The following CPNE8 variants were observed in gnomAD, a reference collection of about 807,000 sequenced individuals.
CPNE8 encodes the protein copine 8, also known as copine-8.
A neutral mutation model predicts 81.5 loss-of-function variants in CPNE8; 45 were observed. That is an observed-to-expected ratio of 0.55 (90% CI 0.44 to 0.71). The LOEUF (loss-of-function observed/expected upper bound fraction) is 0.71. Ranked by LOEUF, CPNE8 falls within the 30% of genes least tolerant of loss-of-function variation. The pLI is 0.00. For synonymous variants in CPNE8, 252 were observed against 226.3 expected, an observed-to-expected ratio of 1.11 and a Z score of -1.02; for missense variants, 594 against 672.1, an observed-to-expected ratio of 0.88 and a Z score of 1.28.
intron 3 of CPNE8, among the ~76,000 whole-genome samples, chr12:38,852,192 C>A (rs1184782085): frequency 1.3e-5 from 2 of 152,066 alleles, no homozygotes; most frequent in Admixed American, 6.6e-5. Flanking sequence ...CTTTGGGAGG[C>A]CAAGGTGGGC....
chr12:38,670,729 C>T lies in CPNE8; in HGVS notation c.1506G>A (p.Gln502=). 6.3e-7 allele frequency: 1 copy of T among 1,599,712 alleles called. No homozygotes were observed. Among genetic ancestry groups the T allele is most frequent in the African/African-American group, 1.3e-5 (1 of 74,560 alleles). The part of the protein sequence containing the change: ...RGKYAERDIV[Q]FVPFRDYIDR... ...AAGTAGGAAAAGGTTTATTTCTTAC[C>T]TGCACAATGTCTCTTTCAGCATATT... Residue 502 remains glutamine, a splice_region_variant and synonymous_variant, in exon 19 of 20, where the codon CAG becomes CAA. Coordinates refer to ENST00000331366, the MANE Select transcript of CPNE8 (RefSeq NM_153634.3).
chr12:38,766,371 C>T (rs1036812071), intron 8 of CPNE8, among the ~76,000 whole-genome samples: 2 of 152,168 alleles, frequency 1.3e-5, no homozygotes, highest in South Asian at 2.1e-4. Flanking sequence ...CCTCTATTTT[C>T]GAAATGCCTG....
At chr12:38,758,857 G>A (rs931186474) in intron 10 of CPNE8, among the ~76,000 whole-genome samples, 2 of 152,104 alleles carry the variant, frequency 1.3e-5, no homozygotes, top group Non-Finnish European at 2.9e-5. Context: ...ATAGATTGGA[G>A]ACAATAGGAG....
intron 9 of CPNE8, among the ~76,000 whole-genome samples, chr12:38,761,783 A>G (rs571826277): frequency 1.1e-4 from 16 of 152,352 alleles, no homozygotes; most frequent in African/African-American, 3.8e-4. Flanking sequence ...ATCAGCAACC[A>G]TGAGTTATGC....
At chr12:38,799,961 C>A (rs1237869510) in intron 6 of CPNE8, among the ~76,000 whole-genome samples, 1 of 149,946 alleles carries the variant, frequency 6.7e-6, no homozygotes, top group Admixed American at 6.7e-5. Context: ...GCTTAAGAAA[C>A]GGCGCACCAC....
chr12:38,730,450 A>G (rs921384479), intron 10 of CPNE8, 92 bp from the exon 11 acceptor site: 13 of 616,314 alleles, frequency 2.1e-5, no homozygotes, highest in Non-Finnish European at 3.1e-5. Context: ...TCATTATCAA[A>G]AAAATGCTTG....
At chr12:38,826,863 A>G (rs189126265) in intron 6 of CPNE8, among the ~76,000 whole-genome samples, 36 of 152,094 alleles carry the variant, frequency 2.4e-4, no homozygotes, top group African/African-American at 7.9e-4. Context: ...TAAAATTACT[A>G]ATTTAAAAAT....
rs1415640250 is a variant in CPNE8 at position 38,738,675 on chromosome 12, G to A, written c.723-8317C>T. 9.9e-5 allele frequency among the ~76,000 whole-genome samples: 15 copies of A among 152,128 alleles called. No homozygotes were observed. In the East Asian group the frequency reaches 2.7e-3, roughly 27 times the overall value. On this transcript the variant is annotated intron_variant, in intron 10 of 19. Transcript: ENST00000331366. ...GATTTGAAAGAATTTTCAGCCAGCG[G>A]GGGATTGGGTACACATTTTAATATT... is the stretch of plus-strand genomic sequence containing the variant.
At chr12:38,781,712 G>A (rs527903684) in intron 6 of CPNE8, among the ~76,000 whole-genome samples, 2 of 152,118 alleles carry the variant, frequency 1.3e-5, no homozygotes, top group East Asian at 1.9e-4. Context: ...CCCTTGGCAA[G>A]GTGATCAAGG....
At chr12:38,905,684 GGAGGCGGACCTCCGCGCA>G, upstream of CPNE8, 1 of 1,464,510 alleles carries the variant, frequency 6.8e-7, no homozygotes, top group African/African-American at 1.4e-5. Context: ...AGGGAAGGGA[GGAGGCGGACCTCCGCGCA>G]GAGCCACGAG....
intron 6 of CPNE8, among the ~76,000 whole-genome samples, chr12:38,795,592 A>G (rs1396355455): frequency 6.6e-6 from 1 of 152,230 alleles, no homozygotes; most frequent in Non-Finnish European, 1.5e-5. Flanking sequence ...AATCTTGAAG[A>G]CATTATGCTA....
At chr12:38,842,863 G>A (rs1943496522) in intron 4 of CPNE8, among the ~76,000 whole-genome samples, 1 of 152,078 alleles carries the variant, frequency 6.6e-6, no homozygotes, top group Admixed American at 6.6e-5. Flanking sequence ...ACAGGCGTGA[G>A]CCACCGTGCC....
chr12:38,795,902 A>AGATAGATAGATAGAT (rs1565620261), intron 6 of CPNE8, among the ~76,000 whole-genome samples: 10 of 19,468 alleles, frequency 5.1e-4, no homozygotes, highest in Non-Finnish European at 9.1e-4. Context: ...GATAGATAGA[A>AGATAGATAGATAGAT]GATAGATAAT....
At chr12:38,828,054 TG>T (rs1229590056) in intron 6 of CPNE8, among the ~76,000 whole-genome samples, 1 of 152,224 alleles carries the variant, frequency 6.6e-6, no homozygotes, top group African/African-American at 2.4e-5. Flanking sequence ...ATGAAAATTC[TG>T]TATTTTAATT....
At chr12:38,711,878 A>G (rs539678105) in intron 13 of CPNE8, among the ~76,000 whole-genome samples, 71 of 152,282 alleles carry the variant, frequency 4.7e-4, no homozygotes, top group African/African-American at 1.6e-3. Context: ...CAAACTTTTC[A>G]GTTTCGATAT....
chr12:38,906,585 C>T (rs1474576494), upstream of CPNE8: 55 of 985,446 alleles, frequency 5.6e-5, no homozygotes, highest in Non-Finnish European at 6.3e-5. Context: ...GAACTGAGAC[C>T]TGACGGATAA....
At chr12:38,684,349 A>T (rs1169000731) in intron 16 of CPNE8, among the ~76,000 whole-genome samples, 1 of 152,164 alleles carries the variant, frequency 6.6e-6, no homozygotes, top group Non-Finnish European at 1.5e-5. Context: ...AGAAATAAAG[A>T]TAAAACAGGT....
intron 1 of CPNE8, among the ~76,000 whole-genome samples, chr12:38,892,867 T>G (rs1379310277): frequency 3.3e-5 from 5 of 152,216 alleles, no homozygotes; most frequent in African/African-American, 1.2e-4. Flanking sequence ...TGAATACAGT[T>G]TGTTATAGAT....
chr12:38,669,200 A>G (rs1485691555), intron 19 of CPNE8, among the ~76,000 whole-genome samples: 1 of 152,194 alleles, frequency 6.6e-6, no homozygotes. Flanking sequence ...TAGGTTGAAA[A>G]GCTTACATCA....
Sources: allele counts gnomAD v4.1 joint callset (sites outside exome capture counted in the v4.1 genomes callset), GRCh38; gene constraint gnomAD v4.1.1; transcripts MANE v1.5; gene names NCBI Gene and HGNC (gene_info 2026-07-23, HGNC 2026-07-21).